The following PPP4R4 variants were observed in gnomAD, a reference collection of about 807,000 sequenced individuals.
PPP4R4 encodes the protein serine/threonine-protein phosphatase 4 regulatory subunit 4.
A neutral mutation model predicts 121.8 loss-of-function variants in PPP4R4; 70 were observed. The ratio of observed to expected loss-of-function variants is 0.57; its 90% CI spans 0.47 to 0.70. PPP4R4 has a LOEUF of 0.70. Ranked by LOEUF, PPP4R4 falls within the 30% of genes least tolerant of loss-of-function variation. PPP4R4 has a pLI of 0.00. For missense variants in PPP4R4, 875 were observed against 1,033.6 expected (o/e 0.85, Z 2.10); for synonymous variants, 348 against 355.7 (o/e 0.98, Z 0.24).
chr14:94,274,392 C>A (rs577357743), intron 23 of PPP4R4, among the ~76,000 whole-genome samples: 3 of 151,648 alleles, frequency 2.0e-5, no homozygotes, highest in African/African-American at 7.3e-5. Context: ...ATGTACCAGA[C>A]AAAGAATTTG....
chr14:94,189,758 A>C (rs1849167567), intron 2 of PPP4R4, among the ~76,000 whole-genome samples: 2 of 152,144 alleles, frequency 1.3e-5, no homozygotes. Flanking sequence ...TTGTTATTGA[A>C]GCCTGACCAT....
At chr14:94,207,268 C>T (rs775583934) in intron 2 of PPP4R4, among the ~76,000 whole-genome samples, 4 of 151,916 alleles carry the variant, frequency 2.6e-5, no homozygotes, top group African/African-American at 7.2e-5. Context: ...CTCCATTTGG[C>T]ATGGGTTCTC....
intron 9 of PPP4R4, among the ~76,000 whole-genome samples, chr14:94,241,201 G>C (rs1383272229): frequency 6.6e-6 from 1 of 152,022 alleles, no homozygotes; most frequent in African/African-American, 2.4e-5. Flanking sequence ...ATAACTCTTG[G>C]CATTTTGAAC....
intron 2 of PPP4R4, among the ~76,000 whole-genome samples, chr14:94,181,011 T>G (rs377017631): frequency 2.4e-4 from 36 of 152,280 alleles, no homozygotes; most frequent in African/African-American, 8.4e-4. Context: ...ACTCCAGTGA[T>G]TAAAGCTTTG....
chr14:94,227,139 C>T (rs1156794537), intron 3 of PPP4R4: 7 of 620,324 alleles, frequency 1.1e-5, no homozygotes, highest in African/African-American at 1.9e-5. Flanking sequence ...AACTTGGAAA[C>T]GTGCCATTAA....
chr14:94,248,286 C>G (rs781611614), intron 14 of PPP4R4, among the ~76,000 whole-genome samples: 1 of 151,928 alleles, frequency 6.6e-6, no homozygotes, highest in Non-Finnish European at 1.5e-5. Flanking sequence ...AGCTGAGAGC[C>G]AAATCAAGAA....
chr14:94,223,597 A>G (rs1286139649), intron 3 of PPP4R4, among the ~76,000 whole-genome samples: 1 of 152,096 alleles, frequency 6.6e-6, no homozygotes, highest in Non-Finnish European at 1.5e-5. Context: ...TTACATGCTC[A>G]CTTTTCTGGA....
intron 2 of PPP4R4, among the ~76,000 whole-genome samples, chr14:94,180,595 C>CTTTTTT (rs34648844): frequency 3.2e-3 from 390 of 123,738 alleles, no homozygotes; most frequent in African/African-American, 7.7e-3. Context: ...AAGAGCTTTG[C>CTTTTTT]TTTTTTTTTT....
At chr14:94,240,573 T>G in intron 8 of PPP4R4, 100 bp from the exon 9 acceptor site, 2 of 1,287,038 alleles carry the variant, frequency 1.6e-6, no homozygotes, top group Non-Finnish European at 2.1e-6. Context: ...GAGGCTAACA[T>G]AGTAATTTTT....
chr14:94,174,728 C>T (rs1888569852), intron 1 of PPP4R4, 146 bp downstream of exon 1: 1 of 1,403,846 alleles, frequency 7.1e-7, no homozygotes, highest in East Asian at 2.6e-5. Context: ...CCTCCTCCAC[C>T]CCTCTTGCCG....
chr14:94,232,593 ATTC>A (rs1892099846), intron 5 of PPP4R4, among the ~76,000 whole-genome samples: 1 of 152,218 alleles, frequency 6.6e-6, no homozygotes, highest in Non-Finnish European at 1.5e-5. Flanking sequence ...TATGTAATTT[ATTC>A]TAAACTTTTC....
At chr14:94,207,672 T>C (rs994053849) in intron 2 of PPP4R4, among the ~76,000 whole-genome samples, 1 of 151,660 alleles carries the variant, frequency 6.6e-6, no homozygotes, top group Admixed American at 6.6e-5. Context: ...GCCATGTTTA[T>C]TAGCATCTTT....
In PPP4R4 at chr14:94,275,468, A is replaced by G; in HGVS notation, c.2544A>G (p.Ser848=). 2 of 1,614,108 alleles carry G rather than the reference A, an allele frequency of 1.2e-6. No homozygotes were observed. Among genetic ancestry groups the G allele is most frequent in the Non-Finnish European group, 8.5e-7 (1 of 1,179,974 alleles). The part of the protein sequence containing the change: ...LPSTSRGTGN[S]VDPKSSGSKD... ...GTACTTCCCGTGGGACAGGTAACTC[A>G]GTTGACCCCAAGAGCAGTGGAAGTA... The change falls in exon 24 of 25, where the codon TCA becomes TCG. Residue 848 remains serine, a synonymous_variant. Coordinates refer to ENST00000304338, the MANE Select transcript of PPP4R4 (RefSeq NM_058237.2).
At chr14:94,202,202 T>C (rs1029764986) in intron 2 of PPP4R4, among the ~76,000 whole-genome samples, 1 of 151,970 alleles carries the variant, frequency 6.6e-6, no homozygotes, top group African/African-American at 2.4e-5. Flanking sequence ...CTGGGTACAG[T>C]GTACACTGCT....
chr14:94,175,910 T>C, intron 1 of PPP4R4, 144 bp from the exon 2 acceptor site: 1 of 682,622 alleles, frequency 1.5e-6, no homozygotes, highest in Non-Finnish European at 2.6e-6. Context: ...CCTGGTATCC[T>C]CAGCTCCTTG....
chr14:94,209,111 ATATT>A (rs1290714384), intron 3 of PPP4R4, among the ~76,000 whole-genome samples: 1 of 151,848 alleles, frequency 6.6e-6, no homozygotes, highest in Middle Eastern at 3.2e-3. Context: ...CTTCTGACTA[ATATT>A]TATTGATTAT....
At chr14:94,245,166 C>G (rs996247010) in intron 12 of PPP4R4, among the ~76,000 whole-genome samples, 1 of 152,040 alleles carries the variant, frequency 6.6e-6, no homozygotes, top group African/African-American at 2.4e-5. Context: ...CTTTGAAATA[C>G]TTTATTTTGA....
At chr14:94,245,553 T>C in intron 12 of PPP4R4, 34 bp from the exon 13 acceptor site, 1 of 1,143,876 alleles carries the variant, frequency 8.7e-7, no homozygotes, top group Non-Finnish European at 1.2e-6. Flanking sequence ...AACATAGTAA[T>C]CACTATAACA....
intron 2 of PPP4R4, among the ~76,000 whole-genome samples, chr14:94,177,084 A>T (rs2139367901): frequency 6.6e-6 from 1 of 152,284 alleles, no homozygotes; most frequent in South Asian, 2.1e-4. Context: ...AAAAAAAAAA[A>T]ATCCCTCTCC....
Sources: allele counts gnomAD v4.1 joint callset (sites outside exome capture counted in the v4.1 genomes callset), GRCh38; gene constraint gnomAD v4.1.1; transcripts MANE v1.5; gene names NCBI Gene and HGNC (gene_info 2026-07-23, HGNC 2026-07-21).